The following ADAMTSL1 variants were observed in gnomAD, a reference collection of about 807,000 sequenced individuals.
ADAMTSL1 encodes ADAMTS-like protein 1.
A neutral mutation model predicts 201.8 loss-of-function variants in ADAMTSL1; 126 were observed. The ratio of observed to expected loss-of-function variants is 0.62; its 90% CI spans 0.54 to 0.72. The LOEUF is 0.72. Among genes scored for constraint, ADAMTSL1 ranks in the 30% least tolerant of loss-of-function variants. The pLI is 0.00. For synonymous variants in ADAMTSL1, 1,121 were observed against 903.4 expected, an observed-to-expected ratio of 1.24 and a Z score of -4.32; for missense variants, 2,679 against 2,277.8, an observed-to-expected ratio of 1.18 and a Z score of -3.59.
intron 2 of ADAMTSL1, among the ~76,000 whole-genome samples, chr9:18,422,800 G>A (rs1313714362): frequency 6.6e-6 from 1 of 152,054 alleles, no homozygotes; most frequent in African/African-American, 2.4e-5. Context: ...TCCAGTAACT[G>A]GTTGCTTTCT....
chr9:18,287,469 A>G (rs1353401777), intron 2 of ADAMTSL1, among the ~76,000 whole-genome samples: 1 of 151,672 alleles, frequency 6.6e-6, no homozygotes, highest in Non-Finnish European at 1.5e-5. Context: ...ATATATGTAA[A>G]TGTATGTTCA....
chr9:18,159,761 A>G (rs574108044), intron 1 of ADAMTSL1, among the ~76,000 whole-genome samples: 1 of 152,140 alleles, frequency 6.6e-6, no homozygotes, highest in South Asian at 2.1e-4. Context: ...GAGCCACTGA[A>G]AGTCAGGTCA....
At chr9:18,467,957 T>C (rs760999754) in intron 2 of ADAMTSL1, among the ~76,000 whole-genome samples, 16 of 152,228 alleles carry the variant, frequency 1.1e-4, no homozygotes, top group Non-Finnish European at 1.6e-4. Context: ...TGGAGGATGA[T>C]GTCATGGAAA....
intron 2 of ADAMTSL1, among the ~76,000 whole-genome samples, chr9:18,343,761 G>C (rs777164504): frequency 1.5e-4 from 23 of 152,094 alleles, no homozygotes. Context: ...GTAATAAACT[G>C]TGATGCATTG....
intron 2 of ADAMTSL1, among the ~76,000 whole-genome samples, chr9:18,264,317 G>A (rs35903515): frequency 6.6e-6 from 1 of 151,658 alleles, no homozygotes; most frequent in Non-Finnish European, 1.5e-5. Flanking sequence ...TCTCTTAATC[G>A]ATCCTTAACT....
chr9:18,895,502 A>C (rs1325771694), intron 26 of ADAMTSL1, among the ~76,000 whole-genome samples: 1 of 151,168 alleles, frequency 6.6e-6, no homozygotes, highest in Non-Finnish European at 1.5e-5. Flanking sequence ...TGCAGAAGGA[A>C]CACAGACCTG....
intron 2 of ADAMTSL1, among the ~76,000 whole-genome samples, chr9:18,271,037 G>C (rs1012176820): frequency 6.6e-6 from 1 of 151,966 alleles, no homozygotes; most frequent in African/African-American, 2.4e-5. Context: ...ACCTACATTA[G>C]TCTGCATCAT....
chr9:18,410,588 G>T (rs1818395952), intron 2 of ADAMTSL1, among the ~76,000 whole-genome samples: 1 of 152,094 alleles, frequency 6.6e-6, no homozygotes, highest in Non-Finnish European at 1.5e-5. Flanking sequence ...GTATTACATG[G>T]TGCATATATA....
chr9:18,686,827 G>A (rs1160005303), intron 13 of ADAMTSL1, among the ~76,000 whole-genome samples: 3 of 152,136 alleles, frequency 2.0e-5, no homozygotes. Context: ...ATCCACAGAA[G>A]CATTACATAG....
intron 1 of ADAMTSL1, among the ~76,000 whole-genome samples, chr9:18,489,982 C>T (rs1372713748): frequency 6.6e-6 from 1 of 152,192 alleles, no homozygotes; most frequent in African/African-American, 2.4e-5. Flanking sequence ...CGTGTAAGTA[C>T]TTTGAAAACT....
rs1836363634 is a variant in ADAMTSL1, at chr9:18,358,641, G to T, written c.208-146188G>T. ...AATCATGTGATATGTGGCCTTTTGT[G>T]TCTGGCTTTTTAAATTTAACACAAT... On this transcript the variant is annotated intron_variant, in intron 2 of 29. Transcript: ENST00000680146. 1.3e-5 allele frequency among the ~76,000 whole-genome samples: 2 copies of T among 152,110 alleles called. 1 individual carries two copies. Among genetic ancestry groups the T allele is most frequent in the South Asian group, 4.1e-4 (2 of 4,828 alleles).
chr9:18,694,724 A>C (rs1188115972), intron 13 of ADAMTSL1, among the ~76,000 whole-genome samples: 1 of 152,084 alleles, frequency 6.6e-6, no homozygotes, highest in African/African-American at 2.4e-5. Flanking sequence ...CTGTCAGTGG[A>C]TCTACCATTC....
intron 23 of ADAMTSL1, among the ~76,000 whole-genome samples, chr9:18,842,732 A>G (rs974976782): frequency 2.6e-5 from 4 of 152,186 alleles, no homozygotes; most frequent in Non-Finnish European, 5.9e-5. Context: ...TATTGGGTGC[A>G]TATATATTTA....
At chr9:18,089,935 C>G in intron 1 of ADAMTSL1, among the ~76,000 whole-genome samples, 1 of 152,078 alleles carries the variant, frequency 6.6e-6, no homozygotes, top group East Asian at 1.9e-4. Context: ...GCTTTTCTTA[C>G]TATAATTTAG....
At chr9:18,169,612 C>G (rs1209993797) in intron 2 of ADAMTSL1, among the ~76,000 whole-genome samples, 2 of 152,080 alleles carry the variant, frequency 1.3e-5, no homozygotes, top group Non-Finnish European at 2.9e-5. Context: ...GATGCGGGCT[C>G]TTTTTTAGTT....
rs397963773 is a variant in ADAMTSL1 at position 18,514,327 on chromosome 9, CT to C, written c.191+9394del. ...GTAGAATTGCAACTGATTTTTCTTTCTTTTTTTTTTTTTTTTTTTTTTTGAA... is the reference window on the plus strand; with the variant it reads ...GTAGAATTGCAACTGATTTTTCTTTCTTTTTTTTTTTTTTTTTTTTTTGAA... On this transcript the variant is annotated intron_variant, in intron 2 of 28. Transcript: ENST00000380548. 2.7e-3 allele frequency among the ~76,000 whole-genome samples: 267 copies of C among 100,092 alleles called. 2 individuals carry two copies. Among genetic ancestry groups the C allele is most frequent in the East Asian group, 0.013 (47 of 3,676 alleles). 65.7% of individuals were successfully genotyped at this position (100,092 alleles called of 152,430 possible). A position where few individuals can be genotyped will look rare whatever the true frequency, so the allele number is the denominator to read the frequency against.
At position 18,455,286 on chromosome 9, in the gene ADAMTSL1, C is replaced by T. The variant is rs117230229; in HGVS notation, c.208-49543C>T. On this transcript the variant is annotated intron_variant, in intron 2 of 29. Coordinates refer to the ADAMTSL1 transcript ENST00000680146. Reference sequence around the variant, plus strand: ...AAACAGAATAGCGTATTCATAGTCACGATTGTATACAGGTACAAATTGTTC... The same window carrying T: ...AAACAGAATAGCGTATTCATAGTCATGATTGTATACAGGTACAAATTGTTC... Among the ~76,000 whole-genome samples the T allele has an allele frequency of 1.1e-4, 17 of 152,198 alleles. No homozygotes were observed. The East Asian group carries it at 2.1e-3, about 19-fold the overall frequency.
intron 16 of ADAMTSL1, among the ~76,000 whole-genome samples, chr9:18,754,304 A>G (rs1350151765): frequency 6.6e-6 from 1 of 152,250 alleles, no homozygotes; most frequent in Non-Finnish European, 1.5e-5. Flanking sequence ...CTATCTAAAA[A>G]TAATATGCAT....
chr9:18,423,652 G>A (rs1238616335), intron 2 of ADAMTSL1, among the ~76,000 whole-genome samples: 1 of 152,168 alleles, frequency 6.6e-6, no homozygotes, highest in Non-Finnish European at 1.5e-5. Flanking sequence ...AATGGCATTA[G>A]GCCTTGTGAG....
Sources: allele counts gnomAD v4.1 joint callset (sites outside exome capture counted in the v4.1 genomes callset), GRCh38; gene constraint gnomAD v4.1.1; transcripts MANE v1.5; gene names NCBI Gene and HGNC (gene_info 2026-07-23, HGNC 2026-07-21).